TRAPPC8: variants seen among roughly 807,000 people sequenced by gnomAD.
TRAPPC8 encodes general sporulation gene 1 homolog.
Under a neutral mutation model 174.3 loss-of-function variants are expected in TRAPPC8, and 54 were observed. That is an observed-to-expected ratio of 0.31 (90% CI 0.25 to 0.39). The LOEUF is 0.39. TRAPPC8 is among the 10% of genes least tolerant of loss of function. TRAPPC8 has a pLI of 1.00. For missense variants in TRAPPC8, 1,531 were observed against 1,699.1 expected, an observed-to-expected ratio of 0.90 and a Z score of 1.74; for synonymous variants, 630 against 579.9, an observed-to-expected ratio of 1.09 and a Z score of -1.24.
chr18:31,849,001 C>A (rs2033560096), intron 25 of TRAPPC8, among the ~76,000 whole-genome samples: 1 of 151,856 alleles, frequency 6.6e-6, no homozygotes, highest in Admixed American at 6.6e-5. Context: ...AAACTGAACA[C>A]AGACCATCAA....
chr18:31,874,715 A>G lies in TRAPPC8; in HGVS notation c.1729-11T>C, dbSNP rs2035056454. 1 of 1,605,966 alleles carries G rather than the reference A, an allele frequency of 6.2e-7. No individual in the cohort carries two copies. The highest frequency in any genetic ancestry group is 1.3e-5 in the African/African-American group (1 of 74,544). ...TAAAGCATGCTTTTTCTGTAAGAAA[A>G]TAAACAAAATAATGTATTATACTCC... On this transcript the variant is annotated splice_polypyrimidine_tract_variant and intron_variant, in intron 12 of 28. Coordinates refer to ENST00000283351, the MANE Select transcript of TRAPPC8 (RefSeq NM_014939.5).
intron 15 of TRAPPC8, 62 bp downstream of exon 15, chr18:31,870,864 T>C: frequency 7.4e-7 from 1 of 1,350,128 alleles, no homozygotes; most frequent in Non-Finnish European, 9.8e-7. Context: ...AACAATAAAT[T>C]ATCTTCATCA....
intron 25 of TRAPPC8, 61 bp from the exon 26 acceptor site, chr18:31,846,878 C>T (rs2033438874): frequency 8.4e-7 from 1 of 1,186,056 alleles, no homozygotes; most frequent in Non-Finnish European, 1.2e-6. Context: ...AAGTAACCAA[C>T]CCAATACTTG....
chr18:31,893,726 T>G (rs1421224019), intron 11 of TRAPPC8, among the ~76,000 whole-genome samples: 3 of 152,208 alleles, frequency 2.0e-5, no homozygotes, highest in African/African-American at 7.2e-5. Context: ...CTAATTATTG[T>G]TTCTATTTCA....
chr18:31,903,121 C>CGTGCGTGTGT (rs1555674907), intron 9 of TRAPPC8, among the ~76,000 whole-genome samples: 2 of 149,010 alleles, frequency 1.3e-5, no homozygotes, highest in South Asian at 2.1e-4. Flanking sequence ...TGCGTGCGTG[C>CGTGCGTGTGT]GTGTGTGTGT....
chr18:31,853,609 T>C (rs2033833028), intron 22 of TRAPPC8, among the ~76,000 whole-genome samples: 1 of 152,020 alleles, frequency 6.6e-6, no homozygotes, highest in African/African-American at 2.4e-5. Context: ...CAAGCACTGA[T>C]TTTACAATAA....
intron 6 of TRAPPC8, 94 bp from the exon 7 acceptor site, chr18:31,909,104 T>C (rs902971465): frequency 1.6e-6 from 2 of 1,213,862 alleles, no homozygotes; most frequent in African/African-American, 1.5e-5. Context: ...AAAAGCAGAA[T>C]GTTAAAATCC....
intron 9 of TRAPPC8, among the ~76,000 whole-genome samples, chr18:31,904,740 G>C (rs879217580): frequency 6.6e-6 from 1 of 152,152 alleles, no homozygotes; most frequent in Admixed American, 6.5e-5. Flanking sequence ...TCTAAAACAT[G>C]TTTTCTTGGC....
intron 19 of TRAPPC8, among the ~76,000 whole-genome samples, chr18:31,861,618 G>C (rs918664746): frequency 6.6e-6 from 1 of 152,040 alleles, no homozygotes; most frequent in Non-Finnish European, 1.5e-5. Flanking sequence ...AATAACTGAA[G>C]AATATTTAAA....
intron 5 of TRAPPC8, 127 bp from the exon 6 acceptor site, chr18:31,909,887 T>C: frequency 1.8e-6 from 1 of 547,794 alleles, no homozygotes; most frequent in Middle Eastern, 5.0e-4. Flanking sequence ...CAGTGAGCAT[T>C]TTCTCGTCCT....
At position 31,942,916 on chromosome 18, in the gene TRAPPC8, G is replaced by A; in HGVS notation, c.-152C>T. ...AGCCTAGAAACAAGAAGGAACAGAC[G>A]CCGCCGCTTCGGTTTCTGGGGCACA... On this transcript the variant is annotated 5_prime_UTR_variant, in exon 1 of 29. Coordinates refer to ENST00000283351, the MANE Select transcript of TRAPPC8 (RefSeq NM_014939.5). 3.2e-6 allele frequency: 4 copies of A among 1,236,570 alleles called. No individual in the cohort carries two copies. Among genetic ancestry groups the A allele is most frequent in the African/African-American group, 1.6e-5 (1 of 64,464 alleles). The allele number at this position is 1,236,570 out of a possible 1,614,324, so 76.6% of individuals were successfully genotyped here.
At chr18:31,921,139 G>A (rs765672419) in intron 2 of TRAPPC8, among the ~76,000 whole-genome samples, 5 of 151,970 alleles carry the variant, frequency 3.3e-5, no homozygotes, top group Admixed American at 6.6e-5. Context: ...TGAAAAAAGC[G>A]ACAGCAGAAA....
rs771814115 is a variant in TRAPPC8 at position 31,849,654 on chromosome 18, A to T, written c.3647T>A (p.Val1216Glu). The change falls in exon 25 of 29, where the codon GTG becomes GAG. Residue 1216 changes from valine to glutamate, a missense_variant. Physicochemically the swap from Val to Glu is moderately radical, Grantham distance 121. Coordinates refer to ENST00000283351, the MANE Select transcript of TRAPPC8 (RefSeq NM_014939.5). The part of the protein sequence containing the change: ...ELKKPQAHLP[V>E]HTEKQSTEDA... ...CTCTGTTGACTGTTTTTCTGTATGC[A>T]CAGGCAAGTGAGCTTGTGGTTTTTT... 3 of 1,613,266 alleles carry T rather than the reference A, an allele frequency of 1.9e-6. No individual in the cohort carries two copies. The highest frequency in any genetic ancestry group is 1.7e-4 in the Middle Eastern group (1 of 6,054).
chr18:31,869,918 C>T (rs1174987551), intron 16 of TRAPPC8: 3 of 152,224 alleles, frequency 2.0e-5, no homozygotes, highest in African/African-American at 7.3e-5. Flanking sequence ...ATGGTGAAAC[C>T]CCATCCCTAC....
At chr18:31,903,107 C>CACGT (rs1555674911) in intron 9 of TRAPPC8, among the ~76,000 whole-genome samples, 1 of 137,528 alleles carries the variant, frequency 7.3e-6, no homozygotes, top group African/African-American at 2.6e-5. Flanking sequence ...TTTGATTGCG[C>CACGT]GCGTGCGTGC....
At chr18:31,921,980 C>T (rs2037410704) in intron 2 of TRAPPC8, among the ~76,000 whole-genome samples, 1 of 152,138 alleles carries the variant, frequency 6.6e-6, no homozygotes, top group African/African-American at 2.4e-5. Flanking sequence ...GTGCTTCTGC[C>T]TCTTTAAGAC....
At chr18:31,936,785 C>T (rs1339621500) in intron 1 of TRAPPC8, among the ~76,000 whole-genome samples, 1 of 151,432 alleles carries the variant, frequency 6.6e-6, no homozygotes, top group Admixed American at 6.6e-5. Context: ...GCCTGTAATG[C>T]CAGCTACTTA....
Position 31,855,932 on chromosome 18 carries a change from T to C in TRAPPC8, c.3189-125A>G, listed in dbSNP as rs1179118945. 3.5e-5 allele frequency: 36 copies of C among 1,028,580 alleles called. No individual in the cohort carries two copies. The South Asian group carries it at 4.1e-4, about 12-fold the overall frequency. 63.7% of individuals were successfully genotyped at this position (1,028,580 alleles called of 1,614,324 possible). On this transcript the variant is annotated intron_variant, in intron 20 of 28. Transcript: ENST00000283351. ...GGACCATTTATACTCTAAAAATCCA[T>C]AGAATACATTAAGTAAAATTACATA... is the stretch of plus-strand genomic sequence containing the variant.
At chr18:31,883,445 A>G (rs2145299127) in intron 12 of TRAPPC8, 1 of 152,350 alleles carries the variant, frequency 6.6e-6, no homozygotes, top group African/African-American at 2.4e-5. Context: ...TAGAGTGGGT[A>G]GCACCCACTG....
Sources: allele counts gnomAD v4.1 joint callset (sites outside exome capture counted in the v4.1 genomes callset), GRCh38; gene constraint gnomAD v4.1.1; transcripts MANE v1.5; gene names NCBI Gene and HGNC (gene_info 2026-07-23, HGNC 2026-07-21).